IL1RAPL2: variants seen among roughly 807,000 people sequenced by gnomAD.
IL1RAPL2 encodes X-linked interleukin-1 receptor accessory protein-like 2.
A neutral mutation model predicts 44.1 loss-of-function variants in IL1RAPL2; 3 were observed. That is an observed-to-expected ratio of 0.07 (90% CI 0.03 to 0.18). The LOEUF (loss-of-function observed/expected upper bound fraction) is 0.18. Ranked by LOEUF, IL1RAPL2 falls within the 10% of genes least tolerant of loss-of-function variation. The pLI, the probability that IL1RAPL2 is intolerant of heterozygous loss-of-function variation, is 1.00. For missense variants in IL1RAPL2, 391 were observed against 496.4 expected (o/e 0.79, Z 2.02); for synonymous variants, 181 against 178.8 (o/e 1.01, Z -0.10).
At chrX:104,612,367 AAGAT>A (rs1929180008) in intron 1 of IL1RAPL2, among the ~76,000 whole-genome samples, 1 of 112,085 alleles carries the variant, frequency 8.9e-6, no homozygotes, top group South Asian at 3.7e-4. Flanking sequence ...TATATGATGA[AAGAT>A]AGGGGTCCAG....
intron 2 of IL1RAPL2, among the ~76,000 whole-genome samples, chrX:104,791,329 C>T (rs969744349): frequency 9.3e-6 from 1 of 107,200 alleles, no homozygotes; most frequent in South Asian, 4.3e-4. Context: ...CCAGAGGAGT[C>T]CCAAGCAGCT....
At chrX:105,583,994 A>C (rs2037108728) in intron 6 of IL1RAPL2, among the ~76,000 whole-genome samples, 1 of 112,131 alleles carries the variant, frequency 8.9e-6, no homozygotes, top group African/African-American at 3.2e-5. Context: ...CCTTTGCCCC[A>C]TAGATTATTT....
At chrX:105,318,654 A>G (rs970939026) in intron 5 of IL1RAPL2, among the ~76,000 whole-genome samples, 6 of 111,203 alleles carry the variant, frequency 5.4e-5, no homozygotes, top group Admixed American at 9.6e-5. Flanking sequence ...GGTGGGGAGT[A>G]GTGAAGTGAA....
chrX:105,524,813 T>C (rs2036584967), intron 6 of IL1RAPL2, among the ~76,000 whole-genome samples: 1 of 111,053 alleles, frequency 9.0e-6, no homozygotes, highest in African/African-American at 3.3e-5. Flanking sequence ...ATGTGGCCTT[T>C]GGCAAGTCAG....
chrX:105,261,790 A>G (rs1398825070), intron 4 of IL1RAPL2, among the ~76,000 whole-genome samples: 1 of 111,467 alleles, frequency 9.0e-6, no homozygotes, highest in African/African-American at 3.3e-5. Flanking sequence ...GTGATGCCCT[A>G]TTATTAGACA....
intron 5 of IL1RAPL2, among the ~76,000 whole-genome samples, chrX:105,313,181 C>T (rs1169054727): frequency 8.9e-6 from 1 of 111,779 alleles, no homozygotes; most frequent in East Asian, 2.8e-4. Context: ...CATTCTTTCT[C>T]TTTTTTTGCT....
chrX:105,615,531 AACATAG>A (rs2037369128), intron 6 of IL1RAPL2, among the ~76,000 whole-genome samples: 6 of 112,215 alleles, frequency 5.3e-5, no homozygotes, highest in African/African-American at 1.9e-4. Context: ...TATTTGCACC[AACATAG>A]ATATAACTGG....
chrX:105,076,343 T>C (rs1324750936), intron 2 of IL1RAPL2, among the ~76,000 whole-genome samples: 1 of 111,728 alleles, frequency 9.0e-6, no homozygotes, highest in East Asian at 2.8e-4. Context: ...TTCCATGTAA[T>C]TGAGTGGTTT....
chrX:105,728,385 A>G (rs757940750), intron 7 of IL1RAPL2, among the ~76,000 whole-genome samples: 3 of 111,682 alleles, frequency 2.7e-5, no homozygotes, highest in South Asian at 7.3e-4. Context: ...CATTTATTCA[A>G]TGTGCCTTTA....
chrX:104,592,325 T>C (rs1473278081), intron 1 of IL1RAPL2, among the ~76,000 whole-genome samples: 1 of 109,924 alleles, frequency 9.1e-6, no homozygotes, highest in East Asian at 2.9e-4. Flanking sequence ...CCTGTACACG[T>C]CTTCTTCCCA....
intron 2 of IL1RAPL2, among the ~76,000 whole-genome samples, chrX:104,674,050 A>C (rs1476048576): frequency 6.3e-5 from 7 of 111,550 alleles, no homozygotes; most frequent in Admixed American, 1.9e-4. Flanking sequence ...GCAAACAGGG[A>C]CAATTTGACT....
intron 2 of IL1RAPL2, among the ~76,000 whole-genome samples, chrX:105,012,150 G>C (rs751266388): frequency 5.4e-5 from 6 of 111,149 alleles, no homozygotes; most frequent in Non-Finnish European, 9.5e-5. Flanking sequence ...ATACCCATCT[G>C]AATGTCAATA....
intron 2 of IL1RAPL2, among the ~76,000 whole-genome samples, chrX:104,861,027 G>T (rs368417460): frequency 1.8e-5 from 2 of 110,591 alleles, no homozygotes; most frequent in African/African-American, 6.6e-5. Context: ...AGTATTTTCC[G>T]CCATTACTCC....
At chrX:105,416,825 C>A (rs755750313) in intron 5 of IL1RAPL2, among the ~76,000 whole-genome samples, 16 of 112,040 alleles carry the variant, frequency 1.4e-4, no homozygotes, top group Non-Finnish European at 2.3e-4. Context: ...ACAGCAGCAT[C>A]TCTGGCTGAT....
intron 2 of IL1RAPL2, among the ~76,000 whole-genome samples, chrX:104,794,698 TTA>T (rs1267783286): frequency 8.9e-6 from 1 of 112,112 alleles, no homozygotes; most frequent in Non-Finnish European, 1.9e-5. Flanking sequence ...TATCAAAATT[TTA>T]TGTTTCCATA....
chrX:105,683,459 T>C (rs2037941996), intron 6 of IL1RAPL2, among the ~76,000 whole-genome samples: 1 of 111,556 alleles, frequency 9.0e-6, no homozygotes, highest in Non-Finnish European at 1.9e-5. Flanking sequence ...AATGTGTTCA[T>C]TGTTGCTATC....
At chrX:105,268,698 G>A (rs1288459452) in intron 5 of IL1RAPL2, among the ~76,000 whole-genome samples, 1 of 111,141 alleles carries the variant, frequency 9.0e-6, no homozygotes, top group Non-Finnish European at 1.9e-5. Context: ...GACACAGGAG[G>A]CAGAGTTTGC....
intron 2 of IL1RAPL2, among the ~76,000 whole-genome samples, chrX:104,851,304 T>C (rs1922219348): frequency 1.8e-5 from 2 of 111,637 alleles, no homozygotes; most frequent in Admixed American, 1.9e-4. Flanking sequence ...AACAAAATAT[T>C]AAAACAGGCA....
intron 6 of IL1RAPL2, among the ~76,000 whole-genome samples, chrX:105,710,007 TAAC>T (rs1409843588): frequency 1.8e-5 from 2 of 110,895 alleles, no homozygotes; most frequent in Non-Finnish European, 1.9e-5. Context: ...ATAACAACAA[TAAC>T]AACAACAACA....
Sources: gnomAD v4.1 joint callset for allele counts (sites outside exome capture counted in the v4.1 genomes callset) on GRCh38, gnomAD v4.1.1 for gene constraint, MANE v1.5 for transcripts, NCBI Gene and HGNC (gene_info 2026-07-23, HGNC 2026-07-21) for gene names.